The following ZNF773 variants were observed in gnomAD, a reference collection of about 807,000 sequenced individuals.
ZNF773 encodes the protein zinc finger protein 773, also known as zinc finger protein 419B.
A neutral mutation model predicts 12.8 loss-of-function variants in ZNF773; 11 were observed. The observed-to-expected ratio is 0.86, with a 90% CI of 0.54 to 1.42. ZNF773 has a LOEUF of 1.42. Among genes scored for constraint, ZNF773 ranks in the 40% most tolerant of loss-of-function variants. ZNF773 has a pLI of 0.00. For missense variants in ZNF773, 518 were observed against 527.2 expected, an observed-to-expected ratio of 0.98 and a Z score of 0.17; for synonymous variants, 175 against 178.4, an observed-to-expected ratio of 0.98 and a Z score of 0.15.
rs546767960 is a variant in ZNF773, at chr19:57,500,746, C to T, written c.33+633C>T. ...TCAGGAAGGATGGAGATGGGTAAGG[C>T]TGTGCAGGGAATAGGTTTTGGGCAT... On this transcript the variant is annotated intron_variant, in intron 1 of 3. Coordinates refer to ENST00000282292, the MANE Select transcript of ZNF773 (RefSeq NM_198542.3). Among the ~76,000 whole-genome samples, 5 of 152,218 alleles carry T rather than the reference C, an allele frequency of 3.3e-5. 1 individual carries two copies. The highest frequency in any genetic ancestry group is 6.5e-5 in the Admixed American group (1 of 15,296).
chr19:57,507,712 A>G lies in ZNF773; in HGVS notation c.*288A>G. 8.3e-7 allele frequency: 1 copy of G among 1,202,798 alleles called. No homozygotes were observed. Among genetic ancestry groups the G allele is most frequent in the Non-Finnish European group, 1.0e-6 (1 of 968,834 alleles). The allele number at this position is 1,202,798 out of a possible 1,614,324, so 74.5% of individuals were successfully genotyped here. ...GAAACAGCCAGGCGTGGTGGCTGAC[A>G]CCTGTTATTCTCACCACTTTGGGAG... is the stretch of plus-strand genomic sequence containing the variant. On this transcript the variant is annotated 3_prime_UTR_variant, in exon 4 of 4. Transcript: ENST00000282292.
intron 1 of ZNF773, among the ~76,000 whole-genome samples, chr19:57,500,919 G>A (rs1351186936): frequency 2.6e-5 from 4 of 152,122 alleles, no homozygotes. Context: ...CTGTAGGATG[G>A]GGCAGCCTCT....
downstream of ZNF773, chr19:57,513,061 G>A (rs370028083): frequency 1.4e-5 from 22 of 1,549,054 alleles, 2 homozygotes; most frequent in Middle Eastern, 1.7e-4. Context: ...GAACAGGGAC[G>A]TGAGTGAAGA....
At chr19:57,502,603 G>A (rs915163572) in intron 1 of ZNF773, among the ~76,000 whole-genome samples, 2 of 152,202 alleles carry the variant, frequency 1.3e-5, no homozygotes, top group African/African-American at 2.4e-5. Flanking sequence ...CAGCAAAGAG[G>A]CTACTACAGT....
chr19:57,502,045 C>T (rs570557159), intron 1 of ZNF773, among the ~76,000 whole-genome samples: 4 of 152,272 alleles, frequency 2.6e-5, no homozygotes, highest in South Asian at 4.2e-4. Flanking sequence ...CAGGTTCAAG[C>T]GATTCTCCTG....
rs2089767050 is a variant in ZNF773 at position 57,508,159 on chromosome 19, CAAAAAAA to C, written c.*737_*743del. Reference sequence around the variant, plus strand: ...TCGTCTCAAAAAAAAAAAAAAAAAACAAAAAAAACCCAGAAACTCTGAGGGTGATCTT... The same window carrying C: ...TCGTCTCAAAAAAAAAAAAAAAAAACACCCAGAAACTCTGAGGGTGATCTT... On this transcript the variant is annotated 3_prime_UTR_variant, in exon 4 of 4. Transcript: ENST00000282292. The C allele has an allele frequency of 6.3e-6, 3 of 476,236 alleles. No homozygotes were observed. In the African/African-American group the frequency reaches 2.1e-4, roughly 33 times the overall value. 29.5% of individuals were successfully genotyped at this position (476,236 alleles called of 1,614,324 possible). A position where few individuals can be genotyped will look rare whatever the true frequency, so the allele number is the denominator to read the frequency against.
downstream of ZNF773, chr19:57,513,979 T>C (rs778888184): frequency 6.6e-6 from 1 of 152,250 alleles, no homozygotes; most frequent in Non-Finnish European, 1.5e-5. Flanking sequence ...AGGGAGCCTG[T>C]CTCTTGTTAT....
downstream of ZNF773, among the ~76,000 whole-genome samples, chr19:57,508,998 G>C (rs60741767): frequency 0.21 from 31,315 of 151,820 alleles, 3,310 homozygotes; most frequent in African/African-American, 0.25. Context: ...TGAGGTCTTG[G>C]TATGTTACAT....
Position 57,507,605 on chromosome 19 carries a change from C to G in ZNF773, c.*181C>G. The G allele has an allele frequency of 7.1e-7, 1 of 1,409,232 alleles. No individual in the cohort carries two copies. 87.3% of individuals were successfully genotyped at this position (1,409,232 alleles called of 1,614,324 possible). On this transcript the variant is annotated 3_prime_UTR_variant, in exon 4 of 4. Coordinates refer to ENST00000282292, the MANE Select transcript of ZNF773 (RefSeq NM_198542.3). ...ATGGTAAAAGGCCTCAGCCAAAGGC[C>G]TAACCGTATTCAACACCAGAAAGTT...
At chr19:57,505,524 T>G in intron 3 of ZNF773, 124 bp downstream of exon 3, 14 of 1,124,544 alleles carry the variant, frequency 1.2e-5, no homozygotes, top group Non-Finnish European at 1.8e-5. Context: ...GATTTCTATC[T>G]TTTCTTCCTC....
rs753394618 is a variant in ZNF773, at chr19:57,507,289, G to T, written c.1194G>T (p.Glu398Asp). 6.2e-7 allele frequency: 1 copy of T among 1,613,946 alleles called. No individual in the cohort carries two copies. Among genetic ancestry groups the T allele is most frequent in the Non-Finnish European group, 8.5e-7 (1 of 1,179,984 alleles). The change falls in exon 4 of 4, where the codon GAG becomes GAT. Residue 398 changes from glutamate (E) to aspartate (D), a missense_variant. Coordinates refer to ENST00000282292, the MANE Select transcript of ZNF773 (RefSeq NM_198542.3). Reference sequence around the variant, plus strand: ...ATGAATGTGGGAGATTCTTTAGTGAGAATTCCAGCCTTGTTAAACATCAGA... The same window carrying T: ...ATGAATGTGGGAGATTCTTTAGTGATAATTCCAGCCTTGTTAAACATCAGA... The part of the protein sequence containing the change: ...KCNECGRFFS[E>D]NSSLVKHQRV...
In ZNF773 at chr19:57,504,731, G is replaced by A. The variant is rs151014926; in HGVS notation, c.108G>A (p.Gln36=). 590 of 1,613,916 alleles carry A rather than the reference G, an allele frequency of 3.7e-4. 3 individuals are homozygous for A. In the African/African-American group the frequency reaches 7.1e-3, roughly 19 times the overall value. ...QEEWRLLDDA[Q]RLLYRNVMLE... is the part of the protein sequence containing the mutation. ...AATGGAGATTGCTTGATGACGCTCA[G>A]AGGCTCCTCTACCGCAATGTGATGC... The change falls in exon 2 of 4, where the codon CAG becomes CAA. Residue 36 remains glutamine (Q), a synonymous_variant. Transcript: ENST00000282292.
chr19:57,501,844 C>T (rs775380323), intron 1 of ZNF773, among the ~76,000 whole-genome samples: 11 of 149,470 alleles, frequency 7.4e-5, no homozygotes, highest in Non-Finnish European at 1.5e-4. Flanking sequence ...ATTATGGTGT[C>T]TTGGGACTCC....
exon 5 of ZNF773, chr19:57,518,300 T>C (rs12972503): frequency 0.89 from 135,102 of 152,164 alleles, 59,987 homozygotes; most frequent in South Asian, 0.93. Context: ...TATGTGAGCC[T>C]GTGATAAATC....
intron 3 of ZNF773, 152 bp from the exon 4 acceptor site, chr19:57,506,206 C>T (rs2089730788): frequency 7.8e-7 from 1 of 1,282,960 alleles, no homozygotes; most frequent in East Asian, 2.4e-5. Context: ...AGGTTCAGCA[C>T]TGCACAGCAG....
Position 57,507,416 on chromosome 19 carries a change from A to G in ZNF773, c.1321A>G (p.Ile441Val). The change falls in exon 4 of 4, where the codon ATA becomes GTA. Residue 441 changes from isoleucine to valine, a missense_variant. Ile to Val is a conservative substitution (Grantham distance 29). Transcript: ENST00000282292. ...VKHRRIHTGE[I>V]Q ...ACATCGAAGGATTCACACTGGAGAA[A>G]TACAATGATTGTGAGAAATCCTTTA... The G allele has an allele frequency of 6.3e-7, 1 of 1,589,640 alleles. No individual in the cohort carries two copies. The highest frequency in any genetic ancestry group is 8.5e-7 in the Non-Finnish European group (1 of 1,169,948).
chr19:57,509,154 GA>G (rs1568582965), downstream of ZNF773, among the ~76,000 whole-genome samples: 3 of 152,134 alleles, frequency 2.0e-5, no homozygotes, highest in Non-Finnish European at 4.4e-5. Context: ...TAATTTTTAT[GA>G]AGCCCAGTTT....
rs1448895420 is a variant in ZNF773 at position 57,505,717 on chromosome 19, T to G, written c.262+317T>G. ...CCAACTATTTCATTCCAGTTGTTTT[T>G]TTTTTTTTTTTTTGACAGAGTCTTG... On this transcript the variant is annotated intron_variant, in intron 3 of 3. Coordinates refer to ENST00000282292, the MANE Select transcript of ZNF773 (RefSeq NM_198542.3). Among the ~76,000 whole-genome samples, 18 of 149,772 alleles carry G rather than the reference T, an allele frequency of 1.2e-4. No homozygotes were observed. In the East Asian group the frequency reaches 3.1e-3, roughly 26 times the overall value.
downstream of ZNF773, chr19:57,514,420 C>G (rs1568584595): frequency 1.3e-5 from 2 of 152,198 alleles, no homozygotes; most frequent in Non-Finnish European, 1.5e-5. Context: ...CAAGGAGATT[C>G]TTCATTAGAC....
Sources: gnomAD v4.1 joint callset for allele counts (sites outside exome capture counted in the v4.1 genomes callset) on GRCh38, gnomAD v4.1.1 for gene constraint, MANE v1.5 for transcripts, NCBI Gene and HGNC (gene_info 2026-07-23, HGNC 2026-07-21) for gene names.